Variants in EPHB1 observed in about 807,000 individuals in gnomAD.
EPHB1 encodes the protein ephrin type-B receptor 1.
Under a neutral mutation model 94.4 loss-of-function variants are expected in EPHB1, and 30 were observed. The observed-to-expected ratio is 0.32, with a 90% CI of 0.24 to 0.43. EPHB1 has a LOEUF of 0.43. EPHB1 is among the 20% of genes least tolerant of loss of function. The pLI is 1.00. For missense variants in EPHB1, 1,055 were observed against 1,308.3 expected, an observed-to-expected ratio of 0.81 and a Z score of 2.99; for synonymous variants, 522 against 489.1, an observed-to-expected ratio of 1.07 and a Z score of -0.89.
chr3:135,009,458 T>G (rs1474762257), intron 3 of EPHB1, among the ~76,000 whole-genome samples: 1 of 152,196 alleles, frequency 6.6e-6, no homozygotes, highest in African/African-American at 2.4e-5. Context: ...TGATGTATCC[T>G]GTATCTTTGA....
intron 3 of EPHB1, among the ~76,000 whole-genome samples, chr3:134,988,593 C>T (rs1246234944): frequency 2.0e-5 from 3 of 152,186 alleles, no homozygotes; most frequent in African/African-American, 7.2e-5. Flanking sequence ...AATATGCCCA[C>T]TCCTCCTCCT....
chr3:135,051,785 GA>G (rs1937176732), intron 3 of EPHB1, among the ~76,000 whole-genome samples: 1 of 152,186 alleles, frequency 6.6e-6, no homozygotes, highest in Admixed American at 6.5e-5. Flanking sequence ...TTAAACGGCA[GA>G]GAAGGCAGAC....
chr3:134,855,124 A>AT (rs1270964164), intron 1 of EPHB1, among the ~76,000 whole-genome samples: 2 of 152,176 alleles, frequency 1.3e-5, no homozygotes, highest in Non-Finnish European at 2.9e-5. Context: ...AGTAATACAT[A>AT]TATATTTTAC....
chr3:135,103,605 C>T (rs1939105166), intron 3 of EPHB1, among the ~76,000 whole-genome samples: 1 of 152,104 alleles, frequency 6.6e-6, no homozygotes, highest in Admixed American at 6.5e-5. Context: ...TTTCATACAC[C>T]TTTTATGCAG....
chr3:135,192,173 T>C (rs1942471327), intron 10 of EPHB1, among the ~76,000 whole-genome samples: 1 of 152,202 alleles, frequency 6.6e-6, no homozygotes, highest in Non-Finnish European at 1.5e-5. Flanking sequence ...TACCTGAACA[T>C]GTCTCCTATC....
chr3:135,073,691 A>G (rs528404972), intron 3 of EPHB1, among the ~76,000 whole-genome samples: 16 of 152,262 alleles, frequency 1.1e-4, no homozygotes, highest in African/African-American at 3.9e-4. Context: ...GTTTATTTGA[A>G]TCAGGCTAAG....
intron 1 of EPHB1, among the ~76,000 whole-genome samples, chr3:134,811,483 C>A (rs895480765): frequency 7.2e-5 from 11 of 152,022 alleles, no homozygotes; most frequent in African/African-American, 2.7e-4. Flanking sequence ...AGGTGATCCA[C>A]CTGCCTCTGC....
At chr3:135,074,330 A>G (rs1046437899) in intron 3 of EPHB1, among the ~76,000 whole-genome samples, 5 of 152,250 alleles carry the variant, frequency 3.3e-5, no homozygotes, top group African/African-American at 1.2e-4. Flanking sequence ...TATTTGTTGA[A>G]TGAATGAGAA....
chr3:134,797,499 G>A (rs1449709718), intron 1 of EPHB1, among the ~76,000 whole-genome samples: 1 of 152,244 alleles, frequency 6.6e-6, no homozygotes, highest in African/African-American at 2.4e-5. Context: ...TTCAGTGGCC[G>A]GGTCTCAGAG....
Position 134,978,653 on chromosome 3 carries a change from A to C in EPHB1, c.805+26601A>C, listed in dbSNP as rs561771769. On this transcript the variant is annotated intron_variant, in intron 3 of 15. Coordinates refer to ENST00000398015, the MANE Select transcript of EPHB1 (RefSeq NM_004441.5). Reference sequence around the variant, plus strand: ...GCCTTACTAAGCCTTCCCTGTCTGTAGTAGGCCTTGCTTCAGTGTCCCCAG... The same window carrying C: ...GCCTTACTAAGCCTTCCCTGTCTGTCGTAGGCCTTGCTTCAGTGTCCCCAG... 3.9e-5 allele frequency among the ~76,000 whole-genome samples: 6 copies of C among 152,302 alleles called. No homozygotes were observed. The East Asian group carries it at 9.6e-4, about 24-fold the overall frequency.
chr3:134,937,362 G>A (rs2039023234), intron 2 of EPHB1, among the ~76,000 whole-genome samples: 2 of 152,222 alleles, frequency 1.3e-5, no homozygotes, highest in African/African-American at 2.4e-5. Flanking sequence ...CTTGAGGCCA[G>A]ATGTGGCTTT....
intron 3 of EPHB1, among the ~76,000 whole-genome samples, chr3:135,045,375 C>A (rs911411689): frequency 1.3e-5 from 2 of 152,200 alleles, no homozygotes; most frequent in Non-Finnish European, 2.9e-5. Flanking sequence ...ATCCTTTTGA[C>A]ATTCTGTGTG....
At chr3:135,056,799 C>G (rs985830448) in intron 3 of EPHB1, among the ~76,000 whole-genome samples, 1 of 152,144 alleles carries the variant, frequency 6.6e-6, no homozygotes, top group East Asian at 1.9e-4. Context: ...TGGTAGGAGG[C>G]TGGGCTCTGG....
chr3:135,151,022 A>G (rs1553741950), intron 5 of EPHB1, among the ~76,000 whole-genome samples: 1 of 152,096 alleles, frequency 6.6e-6, no homozygotes, highest in Non-Finnish European at 1.5e-5. Flanking sequence ...CACATCCCAT[A>G]TTCATGGAAA....
chr3:134,983,181 T>C (rs149326870), intron 3 of EPHB1, among the ~76,000 whole-genome samples: 1,958 of 152,376 alleles, frequency 0.013, 49 homozygotes, highest in African/African-American at 0.043. Flanking sequence ...TTGCTTTGTC[T>C]GTGTTCACTC....
intron 1 of EPHB1, 41 bp downstream of exon 1, chr3:134,795,730 G>A (rs746431435): frequency 1.3e-6 from 2 of 1,594,844 alleles, no homozygotes; most frequent in Admixed American, 1.7e-5. Flanking sequence ...GCTGGTGCCG[G>A]CCGCCTTGGG....
At chr3:135,103,886 GTCC>G (rs776664235) in intron 3 of EPHB1, among the ~76,000 whole-genome samples, 36 of 152,296 alleles carry the variant, frequency 2.4e-4, no homozygotes, top group African/African-American at 6.3e-4. Flanking sequence ...CAGAGCTACT[GTCC>G]TCCATCAGAA....
intron 3 of EPHB1, among the ~76,000 whole-genome samples, chr3:135,007,755 G>C (rs771448401): frequency 1.1e-4 from 17 of 152,208 alleles, no homozygotes; most frequent in Non-Finnish European, 2.2e-4. Context: ...TGATCAGTCT[G>C]AATCTTAACT....
In EPHB1 at chr3:135,101,520, C is replaced by T. The variant is rs540809201; in HGVS notation, c.806-4928C>T. On this transcript the variant is annotated intron_variant, in intron 3 of 15. Transcript: ENST00000398015. ...TCCTGAGTAGCTGGGATTACAGGCA[C>T]ATGCCATGACGCCCAGCTAATTTTT... Among the ~76,000 whole-genome samples, 3 of 152,040 alleles carry T rather than the reference C, an allele frequency of 2.0e-5. No individual in the cohort carries two copies. In the South Asian group the frequency reaches 6.3e-4, roughly 32 times the overall value.
Sources: gnomAD v4.1 joint callset for allele counts (sites outside exome capture counted in the v4.1 genomes callset) on GRCh38, gnomAD v4.1.1 for gene constraint, MANE v1.5 for transcripts, NCBI Gene and HGNC (gene_info 2026-07-23, HGNC 2026-07-21) for gene names.